WRN: variants seen among roughly 807,000 people sequenced by gnomAD.
WRN encodes bifunctional 3'-5' exonuclease/ATP-dependent helicase WRN.
A neutral mutation model predicts 180.7 loss-of-function variants in WRN; 149 were observed. The ratio of observed to expected loss-of-function variants is 0.82; its 90% CI spans 0.72 to 0.94. WRN has a LOEUF of 0.94. WRN is among the 40% of genes least tolerant of loss of function. The probability of loss-of-function intolerance (pLI) is 0.00; values close to 1 mark genes in which losing one functional copy is unlikely to be tolerated. For missense variants in WRN, 1,661 were observed against 1,700.1 expected (o/e 0.98, Z 0.40); for synonymous variants, 548 against 568.9 (o/e 0.96, Z 0.52).
At chr8:31,172,429 G>A (rs1271886042) in intron 34 of WRN, among the ~76,000 whole-genome samples, 1 of 152,152 alleles carries the variant, frequency 6.6e-6, no homozygotes, top group East Asian at 1.9e-4. Flanking sequence ...TCTGGGAAGT[G>A]GATCTGTAGT....
intron 21 of WRN, 66 bp downstream of exon 21, chr8:31,120,490 G>C: frequency 2.1e-6 from 3 of 1,449,786 alleles, no homozygotes; most frequent in Non-Finnish European, 2.8e-6. Flanking sequence ...AACCTCAAAA[G>C]TGTTTGAGGC....
intron 18 of WRN, among the ~76,000 whole-genome samples, chr8:31,105,154 G>GTCA: frequency 6.6e-6 from 1 of 152,106 alleles, no homozygotes; most frequent in East Asian, 1.9e-4. Context: ...TTATATTGAG[G>GTCA]GAAAATCAAA....
chr8:31,155,483 G>T (rs191815223), intron 32 of WRN, among the ~76,000 whole-genome samples: 1 of 152,146 alleles, frequency 6.6e-6, no homozygotes, highest in African/African-American at 2.4e-5. Flanking sequence ...TTAGCTGGGC[G>T]TAGTGACGCA....
intron 33 of WRN, among the ~76,000 whole-genome samples, chr8:31,160,234 G>A (rs1585540596): frequency 6.6e-6 from 1 of 152,192 alleles, no homozygotes; most frequent in East Asian, 1.9e-4. Context: ...AATGGACGTA[G>A]TAGTCATGCT....
intron 30 of WRN, among the ~76,000 whole-genome samples, chr8:31,148,364 A>G (rs1802951666): frequency 6.6e-6 from 1 of 152,142 alleles, no homozygotes; most frequent in Non-Finnish European, 1.5e-5. Flanking sequence ...CATCTGATAT[A>G]TGAGTACCAA....
At chr8:31,162,991 TA>T (rs1803694629) in intron 33 of WRN, among the ~76,000 whole-genome samples, 1 of 152,216 alleles carries the variant, frequency 6.6e-6, no homozygotes. Flanking sequence ...AATAGGCACT[TA>T]AGAATGTATG....
chr8:31,108,652 ATC>A, intron 18 of WRN, among the ~76,000 whole-genome samples: 1 of 152,032 alleles, frequency 6.6e-6, no homozygotes, highest in Non-Finnish European at 1.5e-5. Flanking sequence ...AAAAAAAAAA[ATC>A]CCCTTGTGAC....
rs576284026 is a variant in WRN at position 31,081,127 on chromosome 8, T to C, written c.1100T>C (p.Val367Ala). Reference protein sequence around the residue: ...HDGEDVLGNKVERKEDGFEDG... With the variant: ...HDGEDVLGNKAERKEDGFEDG... ...GGAGAAGATGTACTTGGAAATAAAG[T>C]GGAACGAAAAGAAGATGGATTTGAA... is the stretch of plus-strand genomic sequence containing the variant. The change falls in exon 9 of 35, where the codon GTG becomes GCG. Residue 367 changes from valine to alanine, a missense_variant. This residue lies in a region of WRN where 500 missense variants were observed against 504.1 expected (regional missense o/e 0.99). Coordinates refer to ENST00000298139, the MANE Select transcript of WRN (RefSeq NM_000553.6). 6.2e-7 allele frequency: 1 copy of C among 1,613,888 alleles called. No individual in the cohort carries two copies. The highest frequency in any genetic ancestry group is 2.2e-5 in the East Asian group (1 of 44,830).
Position 31,135,173 on chromosome 8 carries a change from C to G in WRN, c.2967+2667C>G, listed in dbSNP as rs116885862. On this transcript the variant is annotated intron_variant, in intron 24 of 34. Transcript: ENST00000298139. ...GTTCAAGCAATCCTCCCACCTCAGCCTCCAGAGTAGCTGGGACCACAGGTG... is the reference window on the plus strand; with the variant it reads ...GTTCAAGCAATCCTCCCACCTCAGCGTCCAGAGTAGCTGGGACCACAGGTG... 6.5e-4 allele frequency among the ~76,000 whole-genome samples: 99 copies of G among 152,222 alleles called. No individual in the cohort carries two copies. In the East Asian group the frequency reaches 0.012, roughly 18 times the overall value.
intron 22 of WRN, 119 bp downstream of exon 22, chr8:31,124,742 G>A: frequency 8.1e-7 from 1 of 1,235,222 alleles, no homozygotes; most frequent in South Asian, 1.3e-5. Flanking sequence ...TGTTACATGT[G>A]TGCTGAATTT....
intron 1 of WRN, among the ~76,000 whole-genome samples, chr8:31,045,403 A>G (rs1163587285): frequency 7.2e-6 from 1 of 139,708 alleles, no homozygotes; most frequent in African/African-American, 2.6e-5. Context: ...TTCCACACTA[A>G]TTTTTTTTTT....
chr8:31,113,059 AGCT>A (rs2130290562), intron 19 of WRN, among the ~76,000 whole-genome samples: 1 of 151,700 alleles, frequency 6.6e-6, no homozygotes, highest in South Asian at 2.1e-4. Context: ...TACAAAAATT[AGCT>A]GGGCATGGTG....
intron 24 of WRN, among the ~76,000 whole-genome samples, chr8:31,141,079 G>A (rs1162533256): frequency 1.3e-5 from 2 of 152,144 alleles, no homozygotes; most frequent in African/African-American, 4.8e-5. Flanking sequence ...CTAGTCTCGA[G>A]CTGTAGGATT....
intron 34 of WRN, among the ~76,000 whole-genome samples, chr8:31,172,236 G>A (rs911653554): frequency 3.3e-5 from 5 of 152,076 alleles, no homozygotes; most frequent in African/African-American, 4.8e-5. Flanking sequence ...GCTCACTACA[G>A]CCTTGACCTC....
intron 18 of WRN, among the ~76,000 whole-genome samples, chr8:31,106,621 T>G (rs910853389): frequency 6.6e-6 from 1 of 152,114 alleles, no homozygotes; most frequent in Admixed American, 6.6e-5. Context: ...CTCCCATACT[T>G]CTCTCAGATC....
At chr8:31,060,195 TAAGG>T (rs748985348) in intron 3 of WRN, among the ~76,000 whole-genome samples, 1 of 152,084 alleles carries the variant, frequency 6.6e-6, no homozygotes, top group Non-Finnish European at 1.5e-5. Context: ...AAACAAGTAA[TAAGG>T]AATTCATTCA....
At chr8:31,151,881 A>C (rs1359161734) in intron 31 of WRN, among the ~76,000 whole-genome samples, 1 of 150,964 alleles carries the variant, frequency 6.6e-6, no homozygotes, top group Non-Finnish European at 1.5e-5. Context: ...TTTGTTATTC[A>C]TGAGTTTCAT....
intron 16 of WRN, among the ~76,000 whole-genome samples, chr8:31,094,585 A>G (rs546697682): frequency 2.8e-4 from 42 of 152,112 alleles, no homozygotes; most frequent in Non-Finnish European, 5.9e-4. Context: ...GGGCTCAAGT[A>G]ATTGTCCCAC....
intron 34 of WRN, among the ~76,000 whole-genome samples, chr8:31,169,564 T>C (rs567070391): frequency 9.2e-5 from 14 of 152,330 alleles, no homozygotes; most frequent in Non-Finnish European, 1.8e-4. Flanking sequence ...CAAGTCTTTC[T>C]GGTGTCAAAG....
Sources: gnomAD v4.1 joint callset for allele counts (sites outside exome capture counted in the v4.1 genomes callset) on GRCh38, gnomAD v4.1.1 for gene constraint, gnomAD v4.1.1 regional missense constraint, MANE v1.5 for transcripts, NCBI Gene and HGNC (gene_info 2026-07-23, HGNC 2026-07-21) for gene names.